PHKA1: variants seen among roughly 807,000 people sequenced by gnomAD.
PHKA1 encodes phosphorylase b kinase regulatory subunit alpha, skeletal muscle isoform.
Under a neutral mutation model 110.2 loss-of-function variants are expected in PHKA1, and 60 were observed. The ratio of observed to expected loss-of-function variants is 0.54; its 90% CI spans 0.44 to 0.68. The LOEUF is 0.68. Ranked by LOEUF, PHKA1 falls within the 30% of genes least tolerant of loss-of-function variation. The pLI, the probability that PHKA1 is intolerant of heterozygous loss-of-function variation, is 0.00. For synonymous variants in PHKA1, 316 were observed against 333.6 expected, an observed-to-expected ratio of 0.95 and a Z score of 0.58; for missense variants, 801 against 942.5, an observed-to-expected ratio of 0.85 and a Z score of 1.97.
chrX:72,681,457 C>G (rs2053868159), intron 5 of PHKA1, among the ~76,000 whole-genome samples: 2 of 95,869 alleles, frequency 2.1e-5, no homozygotes, highest in Middle Eastern at 5.6e-3. Flanking sequence ...GGGGGTCAGC[C>G]CCCCCGCCCG....
intron 6 of PHKA1, among the ~76,000 whole-genome samples, chrX:72,671,431 A>C (rs1327601716): frequency 2.7e-5 from 3 of 111,454 alleles, no homozygotes; most frequent in South Asian, 3.8e-4. Flanking sequence ...TCAATGAAAT[A>C]AAAGAGGACA....
At chrX:72,702,859 TCA>T (rs2054225386) in intron 3 of PHKA1, among the ~76,000 whole-genome samples, 1 of 111,708 alleles carries the variant, frequency 9.0e-6, no homozygotes, top group Non-Finnish European at 1.9e-5. Context: ...ATCCCTCTGA[TCA>T]CAGAGATAGA....
At chrX:72,658,118 G>A (rs2053517784) in intron 8 of PHKA1, among the ~76,000 whole-genome samples, 1 of 111,801 alleles carries the variant, frequency 8.9e-6, no homozygotes, top group African/African-American at 3.3e-5. Flanking sequence ...CCACCATTCC[G>A]TTATAGTCAC....
At chrX:72,661,922 T>C (rs915703211) in intron 8 of PHKA1, among the ~76,000 whole-genome samples, 2 of 110,634 alleles carry the variant, frequency 1.8e-5, no homozygotes, top group Non-Finnish European at 3.8e-5. Flanking sequence ...CCCTGTGAAG[T>C]AGAAAAGCCC....
intron 25 of PHKA1, 40 bp downstream of exon 25, chrX:72,605,231 A>G: frequency 8.8e-7 from 1 of 1,135,616 alleles, no homozygotes; most frequent in Non-Finnish European, 1.2e-6. Flanking sequence ...AACTTACATC[A>G]AAAGTGAATT....
At chrX:72,591,721 T>C (rs1470624380) in intron 29 of PHKA1, among the ~76,000 whole-genome samples, 1 of 112,201 alleles carries the variant, frequency 8.9e-6, no homozygotes, top group Non-Finnish European at 1.9e-5. Flanking sequence ...TGTTACTGGG[T>C]ATAACTCTAA....
chrX:72,640,654 T>A (rs2053285608), intron 14 of PHKA1, among the ~76,000 whole-genome samples: 1 of 112,079 alleles, frequency 8.9e-6, no homozygotes, highest in African/African-American at 3.2e-5. Flanking sequence ...GATTGTTATC[T>A]TTTTCCTTTG....
chrX:72,686,110 C>T (rs1161151836), intron 4 of PHKA1, among the ~76,000 whole-genome samples: 1 of 112,237 alleles, frequency 8.9e-6, no homozygotes, highest in Non-Finnish European at 1.9e-5. Context: ...TCAAATGTTT[C>T]TTAATGTCAG....
chrX:72,614,627 G>A (rs782068670), intron 21 of PHKA1, among the ~76,000 whole-genome samples: 1 of 111,551 alleles, frequency 9.0e-6, no homozygotes, highest in Non-Finnish European at 1.9e-5. Context: ...CTGTGCTTTG[G>A]GTATGATAAA....
At chrX:72,619,619 T>C (rs1399564157) in intron 19 of PHKA1, among the ~76,000 whole-genome samples, 3 of 112,212 alleles carry the variant, frequency 2.7e-5, no homozygotes, top group African/African-American at 9.7e-5. Flanking sequence ...ATACGACATA[T>C]AATAGAAAGA....
chrX:72,680,820 C>T (rs1556314306), intron 5 of PHKA1, among the ~76,000 whole-genome samples: 1 of 82,619 alleles, frequency 1.2e-5, no homozygotes, highest in Non-Finnish European at 2.3e-5. Context: ...GCCGCCGCGC[C>T]GGCGAGCGCC....
chrX:72,626,792 T>C (rs1556283165), intron 17 of PHKA1, among the ~76,000 whole-genome samples, 179 bp downstream of exon 17: 3 of 111,994 alleles, frequency 2.7e-5, no homozygotes, highest in African/African-American at 6.5e-5. Flanking sequence ...AAATATCTTA[T>C]TGTACTGTAC....
intron 23 of PHKA1, among the ~76,000 whole-genome samples, chrX:72,607,860 T>G (rs1283166202): frequency 3.6e-5 from 4 of 111,603 alleles, no homozygotes; most frequent in Non-Finnish European, 7.5e-5. Context: ...CAAAACTTCT[T>G]GAACCACCAC....
intron 4 of PHKA1, among the ~76,000 whole-genome samples, chrX:72,687,747 T>C (rs1188790972): frequency 9.0e-6 from 1 of 111,591 alleles, no homozygotes; most frequent in Non-Finnish European, 1.9e-5. Context: ...AATTAGTCCG[T>C]TGCACATCAT....
At position 72,627,084 on chromosome X, in the gene PHKA1, G is replaced by A. The variant is rs369412369; in HGVS notation, c.1715-35C>T. 2.1e-3 allele frequency: 2,206 copies of A among 1,032,030 alleles called. 7 individuals carry two copies. The highest frequency in any genetic ancestry group is 2.5e-3 in the Non-Finnish European group (1,805 of 733,864). 85.1% of individuals were successfully genotyped at this position (1,032,030 alleles called of 1,213,427 possible). A position where few individuals can be genotyped will look rare whatever the true frequency, so the allele number is the denominator to read the frequency against. The stretch of plus-strand genomic sequence containing the variant: ...AACAGAATTTTAAAACAATCTTTGT[G>A]GTTTTAACTCTGAAGTAGGGAGAAA... On this transcript the variant is annotated intron_variant, in intron 16 of 31. Transcript: ENST00000373542.
In PHKA1 at chrX:72,687,915, C is replaced by T. The variant is rs781789210; in HGVS notation, c.455-3335G>A. ...GATCCTGGCTTACTGCAACCTCTGC[C>T]TCCTAGGTTCATGTGATTCTCCTGT... On this transcript the variant is annotated intron_variant, in intron 4 of 31. Coordinates refer to ENST00000373542, the MANE Select transcript of PHKA1 (RefSeq NM_002637.4). Among the ~76,000 whole-genome samples, 178 of 107,892 alleles carry T rather than the reference C, an allele frequency of 1.6e-3. 1 individual carries two copies. Among genetic ancestry groups the T allele is most frequent in the African/African-American group, 5.6e-3 (164 of 29,466 alleles). The allele number at this position is 107,892 out of a possible 115,157, so 93.7% of individuals were successfully genotyped here.
At chrX:72,641,921 C>T (rs142073062) in intron 14 of PHKA1, among the ~76,000 whole-genome samples, 260 of 111,565 alleles carry the variant, frequency 2.3e-3, no homozygotes, top group African/African-American at 8.0e-3. Context: ...TATGTAACAC[C>T]GTGGTCATAG....
chrX:72,589,739 AC>A (rs1288236833), intron 29 of PHKA1, among the ~76,000 whole-genome samples: 2 of 107,511 alleles, frequency 1.9e-5, no homozygotes, highest in African/African-American at 3.3e-5. Context: ...GTCTCAGGAT[AC>A]AAAATCAATG....
rs1556259609 is a variant in PHKA1 at position 72,611,068 on chromosome X, A to G, written c.2486T>C (p.Ile829Thr). Residue 829 changes from isoleucine (I) to threonine (T), a missense_variant, in exon 22 of 32, where the codon ATT becomes ACT. Around this residue, in one of 2 missense-constraint regions of PHKA1, gnomAD observed 502 missense variants for 519.2 expected, o/e 0.97. Coordinates refer to ENST00000373542, the MANE Select transcript of PHKA1 (RefSeq NM_002637.4). ...CACTTTCTTCCTTAAGATCCCAGAA[A>G]TGTATCGGATCAGGCCCCAGTGACG... ...EIRHWGLIRY[I>T]SGILRKKVEA... 8.3e-7 allele frequency: 1 copy of G among 1,206,553 alleles called. No individual in the cohort carries two copies. Among genetic ancestry groups the G allele is most frequent in the African/African-American group, 1.8e-5 (1 of 57,011 alleles).
Sources: allele counts gnomAD v4.1 joint callset (sites outside exome capture counted in the v4.1 genomes callset), GRCh38; gene constraint gnomAD v4.1.1; regional missense constraint gnomAD v4.1.1; transcripts MANE v1.5; gene names NCBI Gene and HGNC (gene_info 2026-07-23, HGNC 2026-07-21).